SVIL: variants seen among roughly 807,000 people sequenced by gnomAD.
SVIL encodes supervillin.
Under a neutral mutation model 240.4 loss-of-function variants are expected in SVIL, and 101 were observed. That is an observed-to-expected ratio of 0.42 (90% CI 0.36 to 0.50). SVIL has a LOEUF of 0.50. SVIL is among the 20% of genes least tolerant of loss of function. SVIL has a pLI of 0.01. For synonymous variants in SVIL, 999 were observed against 1,100.0 expected, an observed-to-expected ratio of 0.91 and a Z score of 1.82; for missense variants, 2,512 against 2,818.7, an observed-to-expected ratio of 0.89 and a Z score of 2.46.
intron 3 of SVIL, among the ~76,000 whole-genome samples, chr10:29,643,150 T>C (rs542467186): frequency 3.0e-4 from 46 of 152,326 alleles, no homozygotes; most frequent in African/African-American, 9.4e-4. Context: ...TTCTGTGTAG[T>C]GGCCTCACTG....
intron 29 of SVIL, among the ~76,000 whole-genome samples, chr10:29,477,478 A>G (rs1196254456): frequency 6.6e-6 from 1 of 152,200 alleles, no homozygotes; most frequent in African/African-American, 2.4e-5. Context: ...CAGGCCGGCC[A>G]GCATTGGCCA....
intron 1 of SVIL, among the ~76,000 whole-genome samples, chr10:29,572,763 C>CAAAAAAAAAAAAAA (rs375180538): frequency 8.6e-5 from 7 of 81,286 alleles, no homozygotes; most frequent in African/African-American, 2.4e-4. Context: ...GATCCTATCT[C>CAAAAAAAAAAAAAA]AAAAAAAAAA....
chr10:29,555,965 C>T (rs1476053313), intron 3 of SVIL, among the ~76,000 whole-genome samples: 1 of 152,234 alleles, frequency 6.6e-6, no homozygotes, highest in Non-Finnish European at 1.5e-5. Context: ...CCTCCCTGCA[C>T]AGGCTTTCAC....
chr10:29,558,805 G>A (rs1219686494), intron 3 of SVIL, among the ~76,000 whole-genome samples: 1 of 151,124 alleles, frequency 6.6e-6, no homozygotes, highest in Non-Finnish European at 1.5e-5. Flanking sequence ...GCATGTATCT[G>A]TAATCCCAGC....
At chr10:29,501,782 T>G (rs1474866722) in intron 17 of SVIL, among the ~76,000 whole-genome samples, 2 of 152,148 alleles carry the variant, frequency 1.3e-5, no homozygotes, top group Admixed American at 1.3e-4. Flanking sequence ...AGGAGTGAAT[T>G]TTAATCAAAC....
chr10:29,629,083 T>A (rs973998495), intron 1 of SVIL, among the ~76,000 whole-genome samples: 2 of 151,714 alleles, frequency 1.3e-5, no homozygotes, highest in Non-Finnish European at 2.9e-5. Flanking sequence ...GAGGAGTGAG[T>A]GGGCAGGAAA....
intron 2 of SVIL, among the ~76,000 whole-genome samples, chr10:29,680,251 T>C (rs116856501): frequency 0.014 from 2,196 of 152,266 alleles, 24 homozygotes; most frequent in Non-Finnish European, 0.022. Context: ...GCACATGTTC[T>C]CATAGGCGTT....
chr10:29,595,247 G>T (rs1956538955), intron 1 of SVIL, among the ~76,000 whole-genome samples: 1 of 152,240 alleles, frequency 6.6e-6, no homozygotes, highest in Non-Finnish European at 1.5e-5. Context: ...CTGCCTCTGT[G>T]GGTATGGAAG....
At chr10:29,618,877 T>C (rs1333809647) in intron 1 of SVIL, among the ~76,000 whole-genome samples, 2 of 152,158 alleles carry the variant, frequency 1.3e-5, no homozygotes, top group African/African-American at 2.4e-5. Flanking sequence ...TAGGCCACCG[T>C]AGACAGCTAA....
At chr10:29,495,688 A>G (rs1232136067) in intron 18 of SVIL, among the ~76,000 whole-genome samples, 1 of 152,234 alleles carries the variant, frequency 6.6e-6, no homozygotes, top group Admixed American at 6.5e-5. Flanking sequence ...ATTACAGACC[A>G]GGGCAGGTCT....
intron 1 of SVIL, among the ~76,000 whole-genome samples, chr10:29,632,915 C>T (rs1040381864): frequency 4.4e-4 from 67 of 152,280 alleles, no homozygotes; most frequent in African/African-American, 1.5e-3. Context: ...GACACTAGTG[C>T]ACACTTGATG....
rs755360700 is a variant in SVIL at position 29,545,853 on chromosome 10, CAAAAAAAAAAAAA to C, written c.827+4731_827+4743del. ...TTGGAGTCAGAGTGAGACTCTGTCTCAAAAAAAAAAAAAAAAAAAAAAAAAAGAAAAAGAAAAA... is the reference window on the plus strand; with the variant it reads ...TTGGAGTCAGAGTGAGACTCTGTCTCAAAAAAAAAAAAAGAAAAAGAAAAA... On this transcript the variant is annotated intron_variant, in intron 6 of 37. Coordinates refer to ENST00000355867, the MANE Select transcript of SVIL (RefSeq NM_021738.3). 1.2e-3 allele frequency among the ~76,000 whole-genome samples: 75 copies of C among 63,592 alleles called. No homozygotes were observed. In the East Asian group the frequency reaches 0.018, roughly 15 times the overall value. The allele number at this position is 63,592 out of a possible 152,430, so 41.7% of individuals were successfully genotyped here.
intron 6 of SVIL, among the ~76,000 whole-genome samples, chr10:29,547,823 T>C (rs1952833423): frequency 6.6e-6 from 1 of 152,224 alleles, no homozygotes; most frequent in African/African-American, 2.4e-5. Context: ...AGATTCCCCA[T>C]TTCTTTTAAA....
rs1944350852 is a variant in SVIL at position 29,462,264 on chromosome 10, A to G, written c.6402+13T>C. 1 of 1,613,736 alleles carries G rather than the reference A, an allele frequency of 6.2e-7. No individual in the cohort carries two copies. Among genetic ancestry groups the G allele is most frequent in the Non-Finnish European group, 8.5e-7 (1 of 1,179,854 alleles). On this transcript the variant is annotated intron_variant, in intron 36 of 37. Coordinates refer to ENST00000355867, the MANE Select transcript of SVIL (RefSeq NM_021738.3). Reference sequence around the variant, plus strand: ...GCAGGAGCCACCTTCATAGGGCAGGAAAGCGTGCTCACCATCTCTGTGATC... The same window carrying G: ...GCAGGAGCCACCTTCATAGGGCAGGGAAGCGTGCTCACCATCTCTGTGATC...
chr10:29,462,686 C>T (rs1238895754), intron 35 of SVIL, among the ~76,000 whole-genome samples: 1 of 152,212 alleles, frequency 6.6e-6, no homozygotes, highest in Non-Finnish European at 1.5e-5. Flanking sequence ...TCTGCAGCTT[C>T]TGGGTGGAGC....
chr10:29,622,839 C>T lies in SVIL; in HGVS notation c.-201+11581G>A, dbSNP rs74534453. On this transcript the variant is annotated intron_variant, in intron 1 of 37. Transcript: ENST00000355867. ...GAATTCAAAGCACCTCCATGCAAAC[C>T]GCTCCCTAAGCGAGAGCTGCCTTGT... is the stretch of plus-strand genomic sequence containing the variant. Among the ~76,000 whole-genome samples, 1,392 of 152,274 alleles carry T rather than the reference C, an allele frequency of 9.1e-3. 23 individuals carry two copies. The highest frequency in any genetic ancestry group is 0.032 in the African/African-American group (1,317 of 41,534).
chr10:29,541,085 T>A (rs531387789), intron 6 of SVIL, among the ~76,000 whole-genome samples: 1 of 152,340 alleles, frequency 6.6e-6, no homozygotes, highest in African/African-American at 2.4e-5. Flanking sequence ...AAAAGAGAGA[T>A]CACATCTGAA....
rs765002047 is a variant in SVIL, at chr10:29,486,233, T to C, written c.4634-3A>G. On this transcript the variant is annotated splice_region_variant and splice_polypyrimidine_tract_variant and intron_variant, in intron 25 of 37. Transcript: ENST00000355867. ...ATCTTCTTTTGGGTCTCCAGCAGCT[T>C]GGGGATAAGAAGAACAGGAGAGCAT... The C allele has an allele frequency of 6.2e-7, 1 of 1,614,092 alleles. No individual in the cohort carries two copies. The highest frequency in any genetic ancestry group is 2.2e-5 in the East Asian group (1 of 44,874).
chr10:29,497,097 G>A (rs947475179), intron 18 of SVIL, among the ~76,000 whole-genome samples: 1 of 152,220 alleles, frequency 6.6e-6, no homozygotes, highest in African/African-American at 2.4e-5. Context: ...ACCATTCCAA[G>A]ATAAGGTAAG....
Sources: gnomAD v4.1 joint callset for allele counts (sites outside exome capture counted in the v4.1 genomes callset) on GRCh38, gnomAD v4.1.1 for gene constraint, MANE v1.5 for transcripts, NCBI Gene and HGNC (gene_info 2026-07-23, HGNC 2026-07-21) for gene names.